The following C2CD5 variants were observed in gnomAD, a reference collection of about 807,000 sequenced individuals.
The protein encoded by C2CD5 is C2 domain-containing protein 5.
A neutral mutation model predicts 130.3 loss-of-function variants in C2CD5; 109 were observed. The observed-to-expected ratio is 0.84, with a 90% CI of 0.72 to 0.98. The LOEUF (loss-of-function observed/expected upper bound fraction) is 0.98, where lower values mean the gene tolerates loss of function less well. C2CD5 is among the 50% of genes least tolerant of loss of function. The pLI is 0.00. For synonymous variants in C2CD5, 454 were observed against 429.2 expected (o/e 1.06, Z -0.71); for missense variants, 996 against 1,261.8 (o/e 0.79, Z 3.19).
chr12:22,522,945 G>T (rs1397422717), intron 7 of C2CD5, among the ~76,000 whole-genome samples: 1 of 152,066 alleles, frequency 6.6e-6, no homozygotes, highest in East Asian at 1.9e-4. Context: ...GGGCACAGTG[G>T]CTCACACCTG....
At position 22,472,806 on chromosome 12, in the gene C2CD5, A is replaced by G; in HGVS notation, c.2045T>C (p.Ile682Thr). The change falls in exon 17 of 27, where the codon ATT becomes ACT. Residue 682 changes from isoleucine (I) to threonine (T), a missense_variant and splice_region_variant. Ile to Thr is a moderately conservative substitution (Grantham distance 89). This residue lies in a region of C2CD5 where 590 missense variants were observed against 631.4 expected (regional missense o/e 0.93). Transcript: ENST00000446597. ...HGKKDAFVLEIDDTDAMEDVH... is the reference protein window; with the variant it reads ...HGKKDAFVLETDDTDAMEDVH... ...ATCTTCCATGGCATCTGTGTCATCA[A>G]TCTTAAAATAGAGATTAAAACTATT... 3 of 1,520,026 alleles carry G rather than the reference A, an allele frequency of 2.0e-6. No individual in the cohort carries two copies. The highest frequency in any genetic ancestry group is 1.1e-5 in the South Asian group (1 of 88,982). The allele number at this position is 1,520,026 out of a possible 1,614,324, so 94.2% of individuals were successfully genotyped here. A position where few individuals can be genotyped will look rare whatever the true frequency, so the allele number is the denominator to read the frequency against.
At chr12:22,544,204 G>C (rs1952712732) in intron 1 of C2CD5, 25 bp from the exon 2 acceptor site, 1 of 1,563,526 alleles carries the variant, frequency 6.4e-7, no homozygotes, top group African/African-American at 1.4e-5. Context: ...AAACGAGTCT[G>C]CGCCGAGCGC....
intron 3 of C2CD5, among the ~76,000 whole-genome samples, chr12:22,529,864 C>G (rs1031365657): frequency 2.6e-5 from 4 of 151,644 alleles, no homozygotes; most frequent in Non-Finnish European, 5.9e-5. Context: ...CTTCTGCCAG[C>G]CTGGAACACT....
chr12:22,463,929 T>G (rs1941627366), intron 22 of C2CD5: 1 of 152,216 alleles, frequency 6.6e-6, no homozygotes, highest in Non-Finnish European at 1.5e-5. Flanking sequence ...TCAGTTTTAT[T>G]ATGATCAAAA....
At chr12:22,460,144 C>A (rs914342666) in intron 22 of C2CD5, among the ~76,000 whole-genome samples, 3 of 152,206 alleles carry the variant, frequency 2.0e-5, no homozygotes, top group Non-Finnish European at 4.4e-5. Context: ...GCCAGTATCA[C>A]TCCCTTTCCA....
intron 3 of C2CD5, among the ~76,000 whole-genome samples, chr12:22,531,892 T>C (rs1001285855): frequency 6.6e-6 from 1 of 152,220 alleles, no homozygotes; most frequent in Non-Finnish European, 1.5e-5. Flanking sequence ...CTTTTCAAAC[T>C]GCAGTTCTAT....
chr12:22,448,745 T>G lies in C2CD5; in HGVS notation c.*1015A>C, dbSNP rs1010807448. The stretch of plus-strand genomic sequence containing the variant: ...GAAATATTATTGTGCAAAGGAGGAA[T>G]GTAATATTTAAGGTTCATTTACAAC... On this transcript the variant is annotated 3_prime_UTR_variant, in exon 27 of 27. Transcript: ENST00000446597. 5 of 152,560 alleles carry G rather than the reference T, an allele frequency of 3.3e-5. No individual in the cohort carries two copies. Among genetic ancestry groups the G allele is most frequent in the Admixed American group, 2.0e-4 (3 of 15,264 alleles). The allele number at this position is 152,560 out of a possible 1,614,324, so 9.5% of individuals were successfully genotyped here.
rs776409847 is a variant in C2CD5 at position 22,518,029 on chromosome 12, C to A, written c.909G>T (p.Gln303His). 1 of 1,613,948 alleles carries A rather than the reference C, an allele frequency of 6.2e-7. No individual in the cohort carries two copies. Among genetic ancestry groups the A allele is most frequent in the Non-Finnish European group, 8.5e-7 (1 of 1,179,892 alleles). ...TCAAATCTGTGTCAGAAGAAGAGGA[C>A]TGTCGACTGTAGGACTTGGAAGGTG... is the stretch of plus-strand genomic sequence containing the variant. ...SFSPSKSYSR[Q>H]SSSSDTDLSL... Residue 303 changes from glutamine to histidine, a missense_variant, in exon 8 of 27, where the codon CAG (glutamine) becomes CAT (histidine). Physicochemically the swap from Gln to His is conservative, Grantham distance 24. Transcript: ENST00000446597.
intron 17 of C2CD5, 147 bp from the exon 18 acceptor site, chr12:22,472,494 C>T (rs1462230809): frequency 9.7e-6 from 6 of 618,588 alleles, no homozygotes; most frequent in African/African-American, 1.9e-5. Flanking sequence ...AGACTTTAAA[C>T]CATCCTAATA....
At chr12:22,528,569 T>C (rs137861087) in intron 3 of C2CD5, among the ~76,000 whole-genome samples, 2 of 152,306 alleles carry the variant, frequency 1.3e-5, no homozygotes, top group East Asian at 3.9e-4. Flanking sequence ...GTCCCCTTCA[T>C]CAAATATAGT....
In C2CD5 at chr12:22,486,203, AACACTGCAAAGC is replaced by A. The variant is rs1452617916; in HGVS notation, c.1359-1327_1359-1316del. On this transcript the variant is annotated intron_variant, in intron 12 of 26. Transcript: ENST00000446597. ...CTTGAATGGAAAAAAAAAAAAAAAAAACACTGCAAAGCACACTCTGAAGCTTTTGCTTAAGGG... is the reference window on the plus strand; with the variant it reads ...CTTGAATGGAAAAAAAAAAAAAAAAAACACTCTGAAGCTTTTGCTTAAGGG... Among the ~76,000 whole-genome samples the A allele has an allele frequency of 7.9e-5, 12 of 151,824 alleles. No individual in the cohort carries two copies. The South Asian group carries it at 1.3e-3, about 16-fold the overall frequency.
chr12:22,513,079 C>T (rs978905221), intron 9 of C2CD5, among the ~76,000 whole-genome samples: 3 of 151,794 alleles, frequency 2.0e-5, no homozygotes, highest in African/African-American at 7.3e-5. Flanking sequence ...AAAGATTAAA[C>T]AAGACAAAAA....
In C2CD5 at chr12:22,482,639, T is replaced by C. The variant is rs1322459105; in HGVS notation, c.1655A>G (p.Lys552Arg). 1 of 1,613,464 alleles carries C rather than the reference T, an allele frequency of 6.2e-7. No individual in the cohort carries two copies. Residue 552 changes from lysine (K) to arginine (R), a missense_variant, in exon 14 of 27, where the codon AAA becomes AGA. Physicochemically the swap from Lys to Arg is conservative, Grantham distance 26 (BLOSUM62 2). Around this residue, in one of 9 missense-constraint regions of C2CD5, gnomAD observed 590 missense variants for 631.4 expected, o/e 0.93. Transcript: ENST00000446597. The stretch of plus-strand genomic sequence containing the variant: ...AGCATTCATTCCTTTGAGTTTTAGT[T>C]TATTCATTAGCTGAGTATGCACTTC... Reference protein sequence around the residue: ...EYEVHTQLMNKLKLKGMNALF... With the variant: ...EYEVHTQLMNRLKLKGMNALF...
chr12:22,519,792 A>AT (rs1172679630), intron 7 of C2CD5, among the ~76,000 whole-genome samples: 1 of 152,128 alleles, frequency 6.6e-6, no homozygotes, highest in Admixed American at 6.5e-5. Flanking sequence ...GAGTGAACTG[A>AT]TTGGATATAC....
intron 16 of C2CD5, among the ~76,000 whole-genome samples, chr12:22,473,895 A>C (rs1225017719): frequency 2.6e-5 from 4 of 152,128 alleles, no homozygotes; most frequent in Non-Finnish European, 5.9e-5. Flanking sequence ...TTCCATTCTC[A>C]GACTGTAGAG....
rs1006810463 is a variant in C2CD5 at position 22,523,518 on chromosome 12, C to CA, written c.707dup (p.Arg237AlafsTer11). On this transcript the variant is annotated frameshift_variant, in exon 7 of 27. Coordinates refer to ENST00000446597, the MANE Select transcript of C2CD5 (RefSeq NM_001286176.2). LOFTEE classifies it high-confidence loss of function. ...GAGTACACGCCGTTCCTATGGCTCG[C>CA]ACCACTAACCCAGACTCGCCCTCCA... 6.2e-7 allele frequency: 1 copy of CA among 1,613,882 alleles called. No homozygotes were observed. The highest frequency in any genetic ancestry group is 1.3e-5 in the African/African-American group (1 of 74,888).
chr12:22,472,402 T>C (rs954501292), intron 17 of C2CD5, 55 bp from the exon 18 acceptor site: 1 of 936,196 alleles, frequency 1.1e-6, no homozygotes, highest in Admixed American at 2.7e-5. Context: ...GATTTTTGTG[T>C]TAAATGACAT....
At chr12:22,485,272 C>T (rs2136343484) in intron 12 of C2CD5, among the ~76,000 whole-genome samples, 1 of 151,664 alleles carries the variant, frequency 6.6e-6, no homozygotes, top group South Asian at 2.1e-4. Context: ...AAAAAAATTC[C>T]CAAAGAAAAA....
intron 12 of C2CD5, 123 bp from the exon 13 acceptor site, chr12:22,485,011 T>C (rs1945283737): frequency 2.3e-6 from 1 of 444,128 alleles, no homozygotes; most frequent in African/African-American, 2.0e-5. Flanking sequence ...TCTACTGCTG[T>C]AGGCTACAAA....
Sources: gnomAD v4.1 joint callset for allele counts (sites outside exome capture counted in the v4.1 genomes callset) on GRCh38, gnomAD v4.1.1 for gene constraint, gnomAD v4.1.1 regional missense constraint, MANE v1.5 for transcripts, NCBI Gene and HGNC (gene_info 2026-07-23, HGNC 2026-07-21) for gene names.